Variants in PALD1 observed in about 807,000 individuals in gnomAD.
PALD1 encodes the protein paladin.
In PALD1, 57 loss-of-function variants were observed where a neutral mutation model predicts 96.0. The observed-to-expected ratio is 0.59, with a 90% CI of 0.48 to 0.74. The LOEUF (loss-of-function observed/expected upper bound fraction) is 0.74, where lower values mean the gene tolerates loss of function less well. Ranked by LOEUF, PALD1 falls within the 30% of genes least tolerant of loss-of-function variation. The pLI is 0.00. For synonymous variants in PALD1, 464 were observed against 473.6 expected, an observed-to-expected ratio of 0.98 and a Z score of 0.26; for missense variants, 1,063 against 1,143.7, an observed-to-expected ratio of 0.93 and a Z score of 1.02.
At chr10:70,549,511 G>C (rs2132419193) in intron 18 of PALD1, among the ~76,000 whole-genome samples, 1 of 152,388 alleles carries the variant, frequency 6.6e-6, no homozygotes, top group Admixed American at 6.5e-5. Context: ...GACAGGGCCT[G>C]AGCCGTGGGG....
chr10:70,495,632 T>C (rs1846181655), intron 1 of PALD1, among the ~76,000 whole-genome samples: 1 of 151,978 alleles, frequency 6.6e-6, no homozygotes, highest in African/African-American at 2.4e-5. Flanking sequence ...TGGGCTTGGA[T>C]GGGGATGGGA....
chr10:70,528,849 C>A (rs1846927085), intron 2 of PALD1, among the ~76,000 whole-genome samples: 1 of 152,222 alleles, frequency 6.6e-6, no homozygotes, highest in African/African-American at 2.4e-5. Context: ...CCTCTGCCAT[C>A]ACTTCTGGAT....
At chr10:70,528,178 T>C (rs1846912069) in intron 2 of PALD1, among the ~76,000 whole-genome samples, 1 of 152,224 alleles carries the variant, frequency 6.6e-6, no homozygotes, top group African/African-American at 2.4e-5. Context: ...CAAGAGGACC[T>C]AACATCAGAT....
intron 1 of PALD1, among the ~76,000 whole-genome samples, chr10:70,513,626 T>C (rs987387857): frequency 6.6e-6 from 1 of 152,222 alleles, no homozygotes; most frequent in Admixed American, 6.5e-5. Flanking sequence ...CAAGAGGCAT[T>C]ACCCCCAAAC....
the PALD1 span, among the ~76,000 whole-genome samples, chr10:70,458,636 G>T: frequency 6.6e-6 from 1 of 152,166 alleles, no homozygotes; most frequent in South Asian, 2.1e-4. Context: ...CCTGTTCCCC[G>T]CACTGCCGGT....
Position 70,534,042 on chromosome 10 carries a change from C to G in PALD1, c.991C>G (p.Leu331Val), listed in dbSNP as rs753727616. Residue 331 changes from leucine (L) to valine (V), a missense_variant, in exon 8 of 20, where the codon CTT (leucine) becomes GTT (valine). By Grantham distance (32) the Leu-to-Val change is conservative (BLOSUM62 1). Transcript: ENST00000263563. ...CATGGTCCTGGGCACCCTCATCCTG[C>G]TTCACCGCAGTGGGACCACCTCCCA... ...LGMVLGTLIL[L>V]HRSGTTSQPE... 1 of 1,610,376 alleles carries G rather than the reference C, an allele frequency of 6.2e-7. No individual in the cohort carries two copies. The highest frequency in any genetic ancestry group is 1.1e-5 in the South Asian group (1 of 90,544).
intron 18 of PALD1, among the ~76,000 whole-genome samples, chr10:70,562,277 G>C (rs1244163276): frequency 6.6e-6 from 1 of 152,172 alleles, no homozygotes; most frequent in Non-Finnish European, 1.5e-5. Flanking sequence ...CCATCTCCAG[G>C]GCCCCAGAGC....
intron 1 of PALD1, among the ~76,000 whole-genome samples, chr10:70,523,793 G>T (rs1846793714): frequency 6.6e-6 from 1 of 152,100 alleles, no homozygotes; most frequent in South Asian, 2.1e-4. Context: ...CCAGACTGGA[G>T]AGGGATGGGT....
At chr10:70,560,770 G>A (rs897046269) in intron 18 of PALD1, among the ~76,000 whole-genome samples, 3 of 152,008 alleles carry the variant, frequency 2.0e-5, no homozygotes, top group African/African-American at 4.8e-5. Flanking sequence ...CCAGTGCCCC[G>A]GCCACCTCTC....
intron 1 of PALD1, among the ~76,000 whole-genome samples, chr10:70,518,698 A>AAT (rs549281598): frequency 5.6e-4 from 85 of 152,344 alleles, no homozygotes; most frequent in African/African-American, 2.0e-3. Context: ...TAAATGAGAT[A>AAT]ATATACGTCA....
intron 1 of PALD1, among the ~76,000 whole-genome samples, chr10:70,488,704 A>G (rs1846050270): frequency 6.6e-6 from 1 of 152,198 alleles, no homozygotes; most frequent in African/African-American, 2.4e-5. Context: ...TTCTGAGCAC[A>G]TGCCCTGAGC....
intron 18 of PALD1, among the ~76,000 whole-genome samples, chr10:70,555,324 A>G (rs1375966424): frequency 6.6e-6 from 1 of 152,002 alleles, no homozygotes; most frequent in African/African-American, 2.4e-5. Context: ...TGGTCCTCAG[A>G]CAGATGGTGA....
Position 70,567,084 on chromosome 10 carries a change from C to T in PALD1, c.*351C>T, listed in dbSNP as rs899708416. ...TGCCAAACACTGTGGATCTCTCTGTCCTCTTCTCCCCTCTCTCAGATTGGC... is the reference window on the plus strand; with the variant it reads ...TGCCAAACACTGTGGATCTCTCTGTTCTCTTCTCCCCTCTCTCAGATTGGC... On this transcript the variant is annotated 3_prime_UTR_variant, in exon 20 of 20. Transcript: ENST00000263563. The T allele has an allele frequency of 4.7e-6, 1 of 213,860 alleles. No individual in the cohort carries two copies. The highest frequency in any genetic ancestry group is 9.2e-6 in the Non-Finnish European group (1 of 108,882). The allele number at this position is 213,860 out of a possible 1,614,324, so 13.2% of individuals were successfully genotyped here.
At position 70,533,928 on chromosome 10, in the gene PALD1, C is replaced by T. The variant is rs765966532; in HGVS notation, c.877C>T (p.Pro293Ser). 122 of 1,596,136 alleles carry T rather than the reference C, an allele frequency of 7.6e-5. No individual in the cohort carries two copies. The highest frequency in any genetic ancestry group is 2.0e-4 in the South Asian group (18 of 88,770). The change falls in exon 8 of 20, where the codon CCC (proline) becomes TCC (serine). Residue 293 changes from proline (P) to serine (S), a missense_variant. Transcript: ENST00000263563. ...DAFVSVLRET[P>S]SLLQLRDAHG... Reference sequence around the variant, plus strand: ...TCCTCATGGTCTTTCCCAGGAGACCCCCAGCCTGCTGCAGCTCCGTGATGC... The same window carrying T: ...TCCTCATGGTCTTTCCCAGGAGACCTCCAGCCTGCTGCAGCTCCGTGATGC...
At chr10:70,463,015 G>A in the PALD1 span, among the ~76,000 whole-genome samples, 2 of 152,176 alleles carry the variant, frequency 1.3e-5, no homozygotes, top group Non-Finnish European at 1.5e-5. Context: ...ATCTGGCGTG[G>A]GTCTTTTTCC....
chr10:70,558,600 G>A (rs1266897915), intron 18 of PALD1, among the ~76,000 whole-genome samples: 5 of 152,092 alleles, frequency 3.3e-5, no homozygotes, highest in African/African-American at 4.8e-5. Context: ...CGGGGTATCC[G>A]TTGGGAGAAG....
intron 1 of PALD1, among the ~76,000 whole-genome samples, chr10:70,506,896 G>A (rs867510252): frequency 1.4e-4 from 22 of 152,198 alleles, no homozygotes; most frequent in South Asian, 2.1e-4. Flanking sequence ...TCACCTGGGG[G>A]TGGGGGTGGT....
At chr10:70,532,302 A>G (rs1404932098) in intron 5 of PALD1, among the ~76,000 whole-genome samples, 1 of 152,172 alleles carries the variant, frequency 6.6e-6, no homozygotes, top group Non-Finnish European at 1.5e-5. Context: ...CATCCCCTCC[A>G]GGCCTCCTGT....
the PALD1 span, among the ~76,000 whole-genome samples, chr10:70,473,500 C>CT: frequency 6.6e-6 from 1 of 152,184 alleles, no homozygotes; most frequent in Admixed American, 6.6e-5. Context: ...AATGATCCTT[C>CT]TTTTTTTGTT....
Sources: gnomAD v4.1 joint callset for allele counts (sites outside exome capture counted in the v4.1 genomes callset) on GRCh38, gnomAD v4.1.1 for gene constraint, MANE v1.5 for transcripts, NCBI Gene and HGNC (gene_info 2026-07-23, HGNC 2026-07-21) for gene names.